The following AFF2 variants were observed in gnomAD, a reference collection of about 807,000 sequenced individuals.
AFF2 encodes the protein AF4/FMR2 family member 2.
Under a neutral mutation model 76.9 loss-of-function variants are expected in AFF2, and 14 were observed. The ratio of observed to expected loss-of-function variants is 0.18; its 90% CI spans 0.12 to 0.28. AFF2 has a LOEUF of 0.28. Among genes scored for constraint, AFF2 ranks in the 10% least tolerant of loss-of-function variants. AFF2 has a pLI of 1.00. For missense variants in AFF2, 868 were observed against 1,001.1 expected, an observed-to-expected ratio of 0.87 and a Z score of 1.79; for synonymous variants, 398 against 366.7, an observed-to-expected ratio of 1.09 and a Z score of -0.98.
chrX:148,705,592 A>G (rs1449188304), intron 3 of AFF2, among the ~76,000 whole-genome samples: 6 of 111,905 alleles, frequency 5.4e-5, no homozygotes, highest in Non-Finnish European at 1.9e-5. Context: ...CAAGTCAGAT[A>G]ACTTAGGGAA....
At chrX:148,725,250 G>T (rs1236324857) in intron 3 of AFF2, among the ~76,000 whole-genome samples, 7 of 110,900 alleles carry the variant, frequency 6.3e-5, no homozygotes, top group Admixed American at 1.9e-4. Flanking sequence ...TGTCACTCCT[G>T]CATGGCCTAA....
At chrX:148,653,905 A>G (rs1557256717) in intron 2 of AFF2, among the ~76,000 whole-genome samples, 1 of 111,559 alleles carries the variant, frequency 9.0e-6, no homozygotes, top group African/African-American at 3.3e-5. Context: ...TGGCTTTGAG[A>G]TGCTAGAGAG....
intron 1 of AFF2, among the ~76,000 whole-genome samples, chrX:148,592,315 T>C (rs2053529681): frequency 9.0e-6 from 1 of 110,969 alleles, no homozygotes; most frequent in Non-Finnish European, 1.9e-5. Context: ...AAAACTAACA[T>C]TGGTTTATTA....
At chrX:148,594,684 T>C (rs1280499906) in intron 1 of AFF2, among the ~76,000 whole-genome samples, 2 of 111,646 alleles carry the variant, frequency 1.8e-5, no homozygotes, top group African/African-American at 3.3e-5. Flanking sequence ...CTGCAGAACC[T>C]TCAAAAAGCC....
chrX:148,904,336 A>T (rs1291148689), intron 9 of AFF2, 78 bp downstream of exon 9: 24 of 623,368 alleles, frequency 3.9e-5, no homozygotes, highest in Non-Finnish European at 5.4e-5. Flanking sequence ...GTCATAAAAG[A>T]GACCTTGGAT....
intron 3 of AFF2, among the ~76,000 whole-genome samples, chrX:148,697,572 A>G (rs1479663573): frequency 9.0e-6 from 1 of 111,076 alleles, no homozygotes; most frequent in Non-Finnish European, 1.9e-5. Flanking sequence ...TTTTCCTTAT[A>G]TACAATGTTC....
chrX:148,888,471 G>A (rs939775417), intron 8 of AFF2, among the ~76,000 whole-genome samples: 13 of 111,937 alleles, frequency 1.2e-4, no homozygotes, highest in African/African-American at 4.2e-4. Flanking sequence ...TAGTGCTACG[G>A]TGAAGATTTG....
intron 7 of AFF2, among the ~76,000 whole-genome samples, chrX:148,853,199 G>A (rs1313000544): frequency 2.7e-5 from 3 of 111,360 alleles, no homozygotes; most frequent in African/African-American, 9.8e-5. Flanking sequence ...TAGTTCTTTG[G>A]CATTATGTGT....
chrX:148,545,484 G>A (rs1242538500), intron 1 of AFF2, among the ~76,000 whole-genome samples: 3 of 111,701 alleles, frequency 2.7e-5, no homozygotes, highest in African/African-American at 9.8e-5. Flanking sequence ...CTGTAGAGTG[G>A]AATTTAAAAT....
At chrX:148,614,711 T>TTCTTTC (rs1168412537) in intron 1 of AFF2, among the ~76,000 whole-genome samples, 1 of 45,321 alleles carries the variant, frequency 2.2e-5, no homozygotes, top group East Asian at 3.7e-4. Context: ...CTTTCTTTCT[T>TTCTTTC]TCTTTCTTTC....
intron 3 of AFF2, among the ~76,000 whole-genome samples, chrX:148,714,571 C>T (rs1259003086): frequency 9.0e-6 from 1 of 111,530 alleles, no homozygotes; most frequent in African/African-American, 3.3e-5. Flanking sequence ...CCTTGGAGTA[C>T]CTACTCTGTG....
chrX:148,948,750 C>T (rs1228583609), intron 9 of AFF2, among the ~76,000 whole-genome samples: 1 of 109,981 alleles, frequency 9.1e-6, no homozygotes, highest in African/African-American at 3.3e-5. Context: ...TTCTTCCCCA[C>T]CTGGGCCCTC....
chrX:148,689,641 A>G (rs1183428307), intron 3 of AFF2, among the ~76,000 whole-genome samples: 1 of 111,680 alleles, frequency 9.0e-6, no homozygotes, highest in Non-Finnish European at 1.9e-5. Context: ...AGTTGAACAG[A>G]TGTCTTTTGG....
rs781892218 is a variant in AFF2, at chrX:148,955,614, C to G, written c.1569C>G (p.Pro523=). ...TTCTCAATCTGCAGCCTGAGCCACCCTCAACCAACAAGTGGCAACTGGATA... is the reference window on the plus strand; with the variant it reads ...TTCTCAATCTGCAGCCTGAGCCACCGTCAACCAACAAGTGGCAACTGGATA... ...PRVATPEPEP[P]STNKWQLDKW... is the part of the protein sequence containing the mutation. The change falls in exon 11 of 21, where the codon CCC becomes CCG. Residue 523 remains proline (P), a synonymous_variant. Transcript: ENST00000370460. 8.3e-7 allele frequency: 1 copy of G among 1,201,690 alleles called. No homozygotes were observed. Among genetic ancestry groups the G allele is most frequent in the South Asian group, 1.8e-5 (1 of 54,597 alleles).
At chrX:148,576,177 C>A (rs924757615) in intron 1 of AFF2, among the ~76,000 whole-genome samples, 2 of 111,728 alleles carry the variant, frequency 1.8e-5, no homozygotes, top group Admixed American at 1.9e-4. Context: ...ATATGGCACC[C>A]AGATGCTTTG....
At chrX:148,628,285 A>T (rs1277130161) in intron 1 of AFF2, among the ~76,000 whole-genome samples, 1 of 111,147 alleles carries the variant, frequency 9.0e-6, no homozygotes, top group African/African-American at 3.3e-5. Flanking sequence ...TTATATATTA[A>T]TATACTTTAA....
chrX:148,649,576 G>A (rs926254084), intron 1 of AFF2, among the ~76,000 whole-genome samples: 28 of 112,020 alleles, frequency 2.5e-4, no homozygotes, highest in Non-Finnish European at 4.5e-4. Context: ...GATAACACCC[G>A]CATGCACACT....
At chrX:148,532,915 C>A (rs375076960) in intron 1 of AFF2, among the ~76,000 whole-genome samples, 8 of 111,819 alleles carry the variant, frequency 7.2e-5, no homozygotes, top group Admixed American at 1.9e-4. Context: ...CATACTTTAT[C>A]AAACATTAAT....
intron 1 of AFF2, among the ~76,000 whole-genome samples, chrX:148,578,947 G>A (rs1468580907): frequency 1.8e-5 from 2 of 111,488 alleles, no homozygotes; most frequent in East Asian, 5.7e-4. Flanking sequence ...CAAATAAAAA[G>A]GTCTTACTTT....
Sources: gnomAD v4.1 joint callset for allele counts (sites outside exome capture counted in the v4.1 genomes callset) on GRCh38, gnomAD v4.1.1 for gene constraint, MANE v1.5 for transcripts, NCBI Gene and HGNC (gene_info 2026-07-23, HGNC 2026-07-21) for gene names.